The following PCDHA12 variants were observed in gnomAD, a reference collection of about 807,000 sequenced individuals.
PCDHA12 encodes protocadherin alpha-12.
Under a neutral mutation model 60.0 loss-of-function variants are expected in PCDHA12, and 44 were observed. The observed-to-expected ratio is 0.73, with a 90% CI of 0.58 to 0.94. PCDHA12 has a LOEUF of 0.94. PCDHA12 is among the 40% of genes least tolerant of loss of function. The pLI is 0.00. For missense variants in PCDHA12, 1,276 were observed against 1,239.7 expected (o/e 1.03, Z -0.44); for synonymous variants, 569 against 553.0 (o/e 1.03, Z -0.40).
chr5:140,927,040 A>T (rs1554203950), intron 1 of PCDHA12: 1 of 1,612,350 alleles, frequency 6.2e-7, no homozygotes, highest in Non-Finnish European at 8.5e-7. Flanking sequence ...AGCGGCCGCT[A>T]TGTCCTCGCG....
At chr5:140,893,456 C>G (rs781790396) in intron 1 of PCDHA12, among the ~76,000 whole-genome samples, 44 of 151,918 alleles carry the variant, frequency 2.9e-4, no homozygotes, top group Non-Finnish European at 2.6e-4. Flanking sequence ...AGTTCAAGAC[C>G]AGCCTGGGCA....
At chr5:140,926,864 T>C in intron 1 of PCDHA12, 1 of 1,522,480 alleles carries the variant, frequency 6.6e-7, no homozygotes, top group South Asian at 1.3e-5. Flanking sequence ...GTGTAGCGTG[T>C]TGGTGGAACG....
intron 3 of PCDHA12, among the ~76,000 whole-genome samples, chr5:140,991,446 A>G (rs782325342): frequency 6.6e-6 from 1 of 152,202 alleles, no homozygotes; most frequent in Non-Finnish European, 1.5e-5. Flanking sequence ...ATGGCTTAAA[A>G]CAACACAATG....
rs141079325 is a variant in PCDHA12 at position 140,900,797 on chromosome 5, T to C, written c.2367+22958T>C. Among the ~76,000 whole-genome samples the C allele has an allele frequency of 8.0e-3, 1,218 of 152,324 alleles. 6 individuals carry two copies. Among genetic ancestry groups the C allele is most frequent in the African/African-American group, 0.019 (783 of 41,568 alleles). On this transcript the variant is annotated intron_variant, in intron 1 of 3. Coordinates refer to ENST00000398631, the MANE Select transcript of PCDHA12 (RefSeq NM_018903.4). ...TGAGGAAACTCCAAACTGTTCTCCA[T>C]AGTGCTTGTACTAATTTACATTCCC...
At chr5:140,915,690 T>G (rs1330039439) in intron 1 of PCDHA12, among the ~76,000 whole-genome samples, 1 of 151,558 alleles carries the variant, frequency 6.6e-6, no homozygotes, top group African/African-American at 2.4e-5. Context: ...AGGGGTATGG[T>G]GATGCAAGCA....
chr5:140,893,210 G>C (rs2063874103), intron 1 of PCDHA12, among the ~76,000 whole-genome samples: 1 of 152,204 alleles, frequency 6.6e-6, no homozygotes, highest in Non-Finnish European at 1.5e-5. Flanking sequence ...GTAAGTATGG[G>C]AGGTGCAGGT....
intron 1 of PCDHA12, among the ~76,000 whole-genome samples, chr5:140,880,101 T>C (rs1190307689): frequency 6.6e-6 from 1 of 152,192 alleles, no homozygotes; most frequent in Non-Finnish European, 1.5e-5. Context: ...CTTAAAATCA[T>C]AGAAGGATAG....
chr5:140,980,216 G>A (rs1554241518), intron 2 of PCDHA12, among the ~76,000 whole-genome samples: 1 of 152,190 alleles, frequency 6.6e-6, no homozygotes, highest in African/African-American at 2.4e-5. Flanking sequence ...GCTTTTGCCT[G>A]CATCTGAGCT....
intron 3 of PCDHA12, among the ~76,000 whole-genome samples, chr5:140,989,753 A>G (rs1349273749): frequency 6.6e-6 from 1 of 152,224 alleles, no homozygotes; most frequent in Admixed American, 6.5e-5. Context: ...ATCTGGAGAA[A>G]CATATTCAGT....
intron 1 of PCDHA12, among the ~76,000 whole-genome samples, chr5:140,973,587 C>T (rs2096594455): frequency 6.6e-6 from 1 of 152,194 alleles, no homozygotes; most frequent in African/African-American, 2.4e-5. Flanking sequence ...ACTGCTGAGC[C>T]AGATGGAATT....
rs1207145020 is a variant in PCDHA12, at chr5:140,966,511, A to G, written c.2368-12438A>G. On this transcript the variant is annotated intron_variant, in intron 1 of 3. Coordinates refer to ENST00000398631, the MANE Select transcript of PCDHA12 (RefSeq NM_018903.4). ...CCCCTGGAGCTGTAGCGGCAGCAGC[A>G]GCAGGAAGCCGAGCCGGGTTGAGCG... The G allele has an allele frequency of 7.1e-5, 31 of 433,774 alleles. No homozygotes were observed. In the East Asian group the frequency reaches 1.1e-3, roughly 15 times the overall value. 26.9% of individuals were successfully genotyped at this position (433,774 alleles called of 1,614,324 possible). A position where few individuals can be genotyped will look rare whatever the true frequency, so the allele number is the denominator to read the frequency against.
intron 1 of PCDHA12, among the ~76,000 whole-genome samples, chr5:140,899,914 C>A (rs1408569942): frequency 2.0e-5 from 3 of 151,952 alleles, no homozygotes; most frequent in Admixed American, 6.6e-5. Flanking sequence ...CTCAAGCAAT[C>A]CTCCTGCCTC....
chr5:140,928,657 G>A (rs781811102), intron 1 of PCDHA12: 11 of 1,614,102 alleles, frequency 6.8e-6, no homozygotes, highest in Non-Finnish European at 9.3e-6. Context: ...AGAGGATGCT[G>A]ACAGTGGTTC....
chr5:140,916,051 G>A (rs2153537424), intron 1 of PCDHA12, among the ~76,000 whole-genome samples: 1 of 152,240 alleles, frequency 6.6e-6, no homozygotes, highest in African/African-American at 2.4e-5. Context: ...ACAGGCAGAG[G>A]TGCCTCTCCC....
chr5:140,944,099 C>G (rs1585153302), intron 1 of PCDHA12, among the ~76,000 whole-genome samples: 1 of 152,264 alleles, frequency 6.6e-6, no homozygotes, highest in East Asian at 1.9e-4. Context: ...AAGTTTATAT[C>G]TCATGGGAAA....
intron 3 of PCDHA12, among the ~76,000 whole-genome samples, chr5:140,985,802 C>T (rs567648207): frequency 1.1e-4 from 16 of 146,640 alleles, no homozygotes; most frequent in African/African-American, 3.3e-4. Flanking sequence ...TGCAGTGGCA[C>T]GATCTCAGCT....
Position 140,883,949 on chromosome 5 carries a change from A to C in PCDHA12, c.2367+6110A>C, listed in dbSNP as rs566235340. On this transcript the variant is annotated intron_variant, in intron 1 of 3. Transcript: ENST00000398631. ...GGTGTTCGTGCTGGACGAGAACGAC[A>C]ACGCTCCGGCGCTGCTGACGCCCGG... 178 of 1,613,356 alleles carry C rather than the reference A, an allele frequency of 1.1e-4. 5 individuals carry two copies. The South Asian group carries it at 1.9e-3, about 18-fold the overall frequency.
At chr5:140,915,826 T>G (rs1432367192) in intron 1 of PCDHA12, among the ~76,000 whole-genome samples, 1 of 152,134 alleles carries the variant, frequency 6.6e-6, no homozygotes, top group Non-Finnish European at 1.5e-5. Context: ...GCCCTAGGGC[T>G]CTAAGATCAG....
chr5:141,009,062 A>G (rs1466818539), intron 3 of PCDHA12, among the ~76,000 whole-genome samples: 1 of 152,240 alleles, frequency 6.6e-6, no homozygotes, highest in East Asian at 1.9e-4. Context: ...TCACAACTGT[A>G]TTCTTTAGGA....
Sources: allele counts gnomAD v4.1 joint callset (sites outside exome capture counted in the v4.1 genomes callset), GRCh38; gene constraint gnomAD v4.1.1; transcripts MANE v1.5; gene names NCBI Gene and HGNC (gene_info 2026-07-23, HGNC 2026-07-21).